Variants in TLK1 observed in about 807,000 individuals in gnomAD.
The protein encoded by TLK1 is tousled like kinase 1.
In TLK1, 24 loss-of-function variants were observed where a neutral mutation model predicts 105.3. That is an observed-to-expected ratio of 0.23 (90% CI 0.17 to 0.32). The LOEUF (loss-of-function observed/expected upper bound fraction) is 0.32. Among genes scored for constraint, TLK1 ranks in the 10% least tolerant of loss-of-function variants. TLK1 has a pLI of 1.00. For synonymous variants in TLK1, 321 were observed against 310.4 expected, an observed-to-expected ratio of 1.03 and a Z score of -0.36; for missense variants, 558 against 910.5, an observed-to-expected ratio of 0.61 and a Z score of 4.98.
At chr2:171,205,182 C>T (rs1318088324) in intron 1 of TLK1, among the ~76,000 whole-genome samples, 1 of 152,066 alleles carries the variant, frequency 6.6e-6, no homozygotes, top group Admixed American at 6.6e-5. Context: ...GACTGCACAC[C>T]AGCCTGGGAG....
intron 1 of TLK1, among the ~76,000 whole-genome samples, chr2:171,197,793 A>C (rs955452716): frequency 2.7e-5 from 4 of 145,948 alleles, no homozygotes; most frequent in Admixed American, 6.9e-5. Context: ...ACAAAACCAA[A>C]CAAACAAAAA....
intron 13 of TLK1, among the ~76,000 whole-genome samples, chr2:171,012,728 C>T (rs918209717): frequency 2.6e-5 from 4 of 152,142 alleles, no homozygotes; most frequent in South Asian, 2.1e-4. Context: ...CCGCCTGCCT[C>T]GGCCTCCCAA....
At chr2:171,132,495 T>C (rs1041051130) in intron 1 of TLK1, among the ~76,000 whole-genome samples, 8 of 152,234 alleles carry the variant, frequency 5.3e-5, no homozygotes, top group African/African-American at 1.9e-4. Context: ...CGTATTTGTA[T>C]AAGTTCACTG....
intron 1 of TLK1, among the ~76,000 whole-genome samples, chr2:171,133,824 A>G (rs1416045505): frequency 6.6e-6 from 1 of 151,822 alleles, no homozygotes; most frequent in Non-Finnish European, 1.5e-5. Context: ...CCCAAGTCTA[A>G]ACATAACATT....
At chr2:171,201,329 C>A (rs1472393604) in intron 1 of TLK1, among the ~76,000 whole-genome samples, 3 of 152,190 alleles carry the variant, frequency 2.0e-5, no homozygotes, top group Non-Finnish European at 2.9e-5. Context: ...TCATTATTTA[C>A]AGATTTACAC....
At chr2:171,081,021 G>C (rs1688727349) in intron 3 of TLK1, among the ~76,000 whole-genome samples, 1 of 152,114 alleles carries the variant, frequency 6.6e-6, no homozygotes. Context: ...GATTTTTCAA[G>C]ATTTTCTACT....
At chr2:171,126,224 C>T (rs2105546738) in intron 1 of TLK1, among the ~76,000 whole-genome samples, 1 of 152,238 alleles carries the variant, frequency 6.6e-6, no homozygotes, top group Admixed American at 6.5e-5. Context: ...AGGAATGTCA[C>T]TACCCAAATT....
intron 2 of TLK1, among the ~76,000 whole-genome samples, chr2:171,108,827 C>T (rs1000186666): frequency 2.0e-4 from 31 of 152,100 alleles, no homozygotes; most frequent in African/African-American, 7.2e-4. Flanking sequence ...AACTCCTGGG[C>T]TCAAGTGATC....
intron 13 of TLK1, among the ~76,000 whole-genome samples, chr2:171,012,456 A>G (rs1684963497): frequency 6.6e-6 from 1 of 152,190 alleles, no homozygotes; most frequent in South Asian, 2.1e-4. Flanking sequence ...CAGCTTTGCA[A>G]TACTAATACA....
chr2:171,049,711 G>C, intron 10 of TLK1, 103 bp downstream of exon 10: 1 of 1,379,810 alleles, frequency 7.2e-7, no homozygotes, highest in South Asian at 1.4e-5. Flanking sequence ...TATGATTTCA[G>C]AGTAGCGAGG....
chr2:171,181,360 C>A (rs1345187425), intron 1 of TLK1, among the ~76,000 whole-genome samples: 1 of 152,160 alleles, frequency 6.6e-6, no homozygotes, highest in African/African-American at 2.4e-5. Flanking sequence ...AAGCCAGGAC[C>A]TAAGTGATCT....
At chr2:171,196,097 A>G (rs1693269734) in intron 1 of TLK1, among the ~76,000 whole-genome samples, 2 of 146,746 alleles carry the variant, frequency 1.4e-5, no homozygotes. Context: ...GGAAGGAAGG[A>G]AGGAAGGGAG....
chr2:171,203,707 T>G lies in TLK1; in HGVS notation c.-6+27438A>C, dbSNP rs189062576. Among the ~76,000 whole-genome samples the G allele has an allele frequency of 1.3e-4, 20 of 152,274 alleles. No individual in the cohort carries two copies. In the East Asian group the frequency reaches 3.9e-3, roughly 29 times the overall value. On this transcript the variant is annotated intron_variant, in intron 1 of 20. Coordinates refer to the TLK1 transcript ENST00000521943. ...TATATCAGAGGAAATTTGACAGTGT[T>G]ATTAAAGTTACTACAGGTTGGTAAT... is the stretch of plus-strand genomic sequence containing the variant.
intron 1 of TLK1, among the ~76,000 whole-genome samples, chr2:171,174,394 C>T (rs1692782535): frequency 6.6e-6 from 1 of 152,176 alleles, no homozygotes; most frequent in South Asian, 2.1e-4. Flanking sequence ...TTTGGGGAAT[C>T]ACATTGTTAT....
chr2:171,000,104 G>A (rs1016137811), intron 18 of TLK1, among the ~76,000 whole-genome samples: 6 of 152,084 alleles, frequency 3.9e-5, no homozygotes, highest in Non-Finnish European at 7.4e-5. Flanking sequence ...TAGGCTGAGC[G>A]TGGTGGCTCA....
chr2:171,078,609 G>A (rs753507617), intron 3 of TLK1, among the ~76,000 whole-genome samples: 6 of 152,012 alleles, frequency 3.9e-5, no homozygotes, highest in Non-Finnish European at 5.9e-5. Context: ...CAGACCTACC[G>A]TCATAAACAT....
chr2:171,120,119 T>G (rs1690591842), intron 1 of TLK1, among the ~76,000 whole-genome samples: 1 of 151,542 alleles, frequency 6.6e-6, no homozygotes, highest in Non-Finnish European at 1.5e-5. Context: ...CGTGGTGGTG[T>G]GTGCCTGTAA....
chr2:171,004,110 T>A (rs879925427), intron 18 of TLK1, among the ~76,000 whole-genome samples: 1 of 152,032 alleles, frequency 6.6e-6, no homozygotes, highest in Non-Finnish European at 1.5e-5. Context: ...ATGGCCACCA[T>A]GCCCAGCTAA....
chr2:171,005,706 A>G (rs1684621577), intron 18 of TLK1, among the ~76,000 whole-genome samples: 1 of 152,242 alleles, frequency 6.6e-6, no homozygotes. Flanking sequence ...GCACAGGGCA[A>G]GACCCTGTCT....
Sources: allele counts gnomAD v4.1 joint callset (sites outside exome capture counted in the v4.1 genomes callset), GRCh38; gene constraint gnomAD v4.1.1; transcripts MANE v1.5; gene names NCBI Gene and HGNC (gene_info 2026-07-23, HGNC 2026-07-21).